The following BLTP1 variants were observed in gnomAD, a reference collection of about 807,000 sequenced individuals.
BLTP1 encodes the protein bridge-like lipid transfer protein family member 1, also known as fragile site-associated protein.
the BLTP1 span, chr4:122,304,787 T>C: frequency 1.1e-5 from 18 of 1,611,864 alleles, no homozygotes; most frequent in African/African-American, 2.7e-5. Context: ...TCCTAACATA[T>C]AATCTGCTAG....
the BLTP1 span, among the ~76,000 whole-genome samples, chr4:122,244,238 C>G: frequency 1.3e-5 from 2 of 152,112 alleles, no homozygotes; most frequent in Non-Finnish European, 2.9e-5. Flanking sequence ...TCATTTGCTA[C>G]TTTCTCAGCC....
the BLTP1 span, chr4:122,190,377 T>C: frequency 5.3e-6 from 5 of 952,152 alleles, no homozygotes; most frequent in African/African-American, 8.8e-5. Flanking sequence ...ATTGTAGTCA[T>C]GAGCCCATGG....
chr4:122,255,105 A>C, the BLTP1 span: 1 of 1,586,976 alleles, frequency 6.3e-7, no homozygotes, highest in Admixed American at 1.7e-5. Context: ...TATCACTCTA[A>C]ATCTATTGTT....
the BLTP1 span, chr4:122,244,108 G>A: frequency 1.1e-3 from 1,556 of 1,372,724 alleles, 9 homozygotes; most frequent in African/African-American, 0.02. Context: ...TGATATGTTC[G>A]TGTAGAAGAT....
At chr4:122,206,401 A>T in the BLTP1 span, among the ~76,000 whole-genome samples, 1 of 151,950 alleles carries the variant, frequency 6.6e-6, no homozygotes, top group Admixed American at 6.6e-5. Flanking sequence ...TGAAATAGGT[A>T]GTCAAGCATA....
At chr4:122,182,860 T>C in the BLTP1 span, 1 of 984,928 alleles carries the variant, frequency 1.0e-6, no homozygotes, top group Non-Finnish European at 1.2e-6. Context: ...CTTAACACAA[T>C]GATTAATAAA....
At chr4:122,300,514 G>C in the BLTP1 span, among the ~76,000 whole-genome samples, 2 of 151,726 alleles carry the variant, frequency 1.3e-5, no homozygotes, top group Non-Finnish European at 2.9e-5. Flanking sequence ...TCTGTTGACT[G>C]TTGCCTCTAT....
chr4:122,176,168 T>C, the BLTP1 span, among the ~76,000 whole-genome samples: 1 of 151,988 alleles, frequency 6.6e-6, no homozygotes, highest in African/African-American at 2.4e-5. Flanking sequence ...CTGGGCGTGG[T>C]GGTGGGCACC....
the BLTP1 span, among the ~76,000 whole-genome samples, chr4:122,326,404 T>C: frequency 2.0e-5 from 3 of 151,804 alleles, no homozygotes; most frequent in African/African-American, 7.2e-5. Context: ...AGATCTTTTT[T>C]GTCAAGGTAC....
chr4:122,200,220 A>G, the BLTP1 span: 10 of 983,874 alleles, frequency 1.0e-5, no homozygotes, highest in Admixed American at 6.2e-5. Context: ...TTCTTCATCT[A>G]TTGCTGATAA....
chr4:122,184,576 G>C, the BLTP1 span: 1 of 363,110 alleles, frequency 2.8e-6, no homozygotes, highest in Non-Finnish European at 3.8e-6. Flanking sequence ...GAGGTGCCAG[G>C]TTGCAGTGAG....
chr4:122,281,699 G>A, the BLTP1 span: 1 of 1,611,896 alleles, frequency 6.2e-7, no homozygotes, highest in Admixed American at 1.7e-5. Flanking sequence ...AGATGGTATA[G>A]CCATTGGAGC....
chr4:122,258,753 A>G, the BLTP1 span: 2 of 1,613,856 alleles, frequency 1.2e-6, no homozygotes, highest in African/African-American at 2.7e-5. Flanking sequence ...ACCGGCCTCC[A>G]CCTGGTAGCT....
At chr4:122,362,298 C>CTGGAG in the BLTP1 span, 2 of 1,375,970 alleles carry the variant, frequency 1.5e-6, no homozygotes, top group Non-Finnish European at 2.0e-6. Flanking sequence ...TTTTATTACA[C>CTGGAG]TGGAGTGTTT....
chr4:122,221,136 T>C, the BLTP1 span: 1 of 741,492 alleles, frequency 1.3e-6, no homozygotes, highest in Non-Finnish European at 1.6e-6. Context: ...AAAGTAAAAT[T>C]ATAAATGGGA....
the BLTP1 span, among the ~76,000 whole-genome samples, chr4:122,253,916 A>G: frequency 1.3e-5 from 2 of 152,308 alleles, 1 homozygote; most frequent in South Asian, 4.1e-4. Flanking sequence ...AAAGAAACAA[A>G]TAACATACGA....
the BLTP1 span, chr4:122,258,844 G>T: frequency 6.3e-7 from 1 of 1,585,226 alleles, no homozygotes; most frequent in Non-Finnish European, 8.6e-7. Context: ...AAAAATAAAG[G>T]TATATTATTG....
At chr4:122,326,958 A>T in the BLTP1 span, among the ~76,000 whole-genome samples, 2 of 151,796 alleles carry the variant, frequency 1.3e-5, no homozygotes, top group African/African-American at 2.4e-5. Flanking sequence ...ACTTAACTGT[A>T]TATGGAATAG....
At chr4:122,240,123 A>G in the BLTP1 span, 2 of 1,614,090 alleles carry the variant, frequency 1.2e-6, no homozygotes, top group Non-Finnish European at 1.7e-6. Context: ...ACATCTATAT[A>G]TTGTAGAAGG....
Sources: gnomAD v4.1 joint callset for allele counts (sites outside exome capture counted in the v4.1 genomes callset) on GRCh38, gnomAD v4.1.1 for gene constraint, MANE v1.5 for transcripts, NCBI Gene and HGNC (gene_info 2026-07-23, HGNC 2026-07-21) for gene names.